Variants in SMAD5 observed in about 807,000 individuals in gnomAD.
The protein encoded by SMAD5 is MAD, mothers against decapentaplegic homolog 5.
SMAD5 carries 9 observed loss-of-function variants against 43.1 expected under a neutral mutation model. The observed-to-expected ratio is 0.21, with a 90% CI of 0.13 to 0.36. The LOEUF (loss-of-function observed/expected upper bound fraction) is 0.36, where lower values mean the gene tolerates loss of function less well. Ranked by LOEUF, SMAD5 falls within the 10% of genes least tolerant of loss-of-function variation. The probability of loss-of-function intolerance (pLI) is 1.00; values close to 1 mark genes in which losing one functional copy is unlikely to be tolerated. For missense variants in SMAD5, 348 were observed against 574.0 expected (o/e 0.61, Z 4.02); for synonymous variants, 190 against 192.4 (o/e 0.99, Z 0.10).
Position 136,161,026 on chromosome 5 carries a change from C to A in SMAD5, c.574C>A (p.Pro192Thr). 1 of 1,613,888 alleles carries A rather than the reference C, an allele frequency of 6.2e-7. No individual in the cohort carries two copies. Among genetic ancestry groups the A allele is most frequent in the East Asian group, 2.2e-5 (1 of 44,886 alleles). ...NTPFPLSPNSPYPPSPASSTY... is the reference protein window; with the variant it reads ...NTPFPLSPNSTYPPSPASSTY... ...TCCTTTTCCCTTATCTCCAAACAGC[C>A]CTTATCCCCCTTCTCCTGCTAGCAG... is the stretch of plus-strand genomic sequence containing the variant. Residue 192 changes from proline to threonine, a missense_variant, in exon 4 of 8, where the codon CCT (proline) becomes ACT (threonine). By Grantham distance (38) the Pro-to-Thr change is conservative. Around this residue, in one of 5 missense-constraint regions of SMAD5, gnomAD observed 185 missense variants for 207.0 expected, o/e 0.89. Coordinates refer to ENST00000545279, the MANE Select transcript of SMAD5 (RefSeq NM_005903.7).
chr5:136,176,099 A>C (rs1729437231), intron 7 of SMAD5, among the ~76,000 whole-genome samples: 1 of 152,118 alleles, frequency 6.6e-6, no homozygotes, highest in African/African-American at 2.4e-5. Context: ...TGTATTGATC[A>C]ATATCTACAA....
At chr5:136,159,200 G>A (rs989484013) in intron 3 of SMAD5, among the ~76,000 whole-genome samples, 1 of 152,108 alleles carries the variant, frequency 6.6e-6, no homozygotes, top group East Asian at 1.9e-4. Flanking sequence ...CTCTATTTTG[G>A]GGATGGGAGT....
At chr5:136,148,645 A>G (rs1162218652) in intron 2 of SMAD5, among the ~76,000 whole-genome samples, 1 of 151,820 alleles carries the variant, frequency 6.6e-6, no homozygotes, top group Non-Finnish European at 1.5e-5. Flanking sequence ...AGAGTCTCTA[A>G]CCCAGGAGTC....
chr5:136,136,787 C>T (rs1303967528), intron 1 of SMAD5, among the ~76,000 whole-genome samples: 1 of 152,070 alleles, frequency 6.6e-6, no homozygotes, highest in Non-Finnish European at 1.5e-5. Flanking sequence ...ATTCTGCCTC[C>T]CGGCTTCAAG....
chr5:136,170,613 A>T (rs1328110489), intron 5 of SMAD5, among the ~76,000 whole-genome samples: 2 of 152,150 alleles, frequency 1.3e-5, no homozygotes, highest in African/African-American at 2.4e-5. Flanking sequence ...TCTATATCCA[A>T]AAAATAGCTT....
rs534918320 is a variant in SMAD5 at position 136,167,388 on chromosome 5, T to C, written c.775+3997T>C. ...CTCATCTGCATTCTTTGCCATTGAA[T>C]ACTCAGAATTGATTTATTTTCCTCT... On this transcript the variant is annotated intron_variant, in intron 5 of 7. Coordinates refer to ENST00000545279, the MANE Select transcript of SMAD5 (RefSeq NM_005903.7). Among the ~76,000 whole-genome samples, 5 of 152,246 alleles carry C rather than the reference T, an allele frequency of 3.3e-5. No homozygotes were observed. The South Asian group carries it at 1.0e-3, about 32-fold the overall frequency.
intron 1 of SMAD5, among the ~76,000 whole-genome samples, chr5:136,137,551 G>A (rs1561638206): frequency 1.3e-5 from 2 of 152,034 alleles, no homozygotes; most frequent in Admixed American, 6.5e-5. Context: ...GTTTTGTTTT[G>A]TTCAGGTTTG....
intron 3 of SMAD5, among the ~76,000 whole-genome samples, chr5:136,160,523 C>T (rs1456748586): frequency 6.6e-6 from 1 of 151,992 alleles, no homozygotes; most frequent in East Asian, 1.9e-4. Context: ...TCTCTGCTAG[C>T]TGGGAGCGCT....
At chr5:136,137,665 G>A (rs1752936074) in intron 1 of SMAD5, among the ~76,000 whole-genome samples, 1 of 152,128 alleles carries the variant, frequency 6.6e-6, no homozygotes, top group Non-Finnish European at 1.5e-5. Flanking sequence ...GGGGGGTTCT[G>A]CAAAAATATT....
chr5:136,174,830 A>G (rs553590948), intron 7 of SMAD5, among the ~76,000 whole-genome samples, 198 bp downstream of exon 7: 2 of 152,358 alleles, frequency 1.3e-5, no homozygotes, highest in South Asian at 4.1e-4. Context: ...TCTAGACATT[A>G]TAAAATGCAT....
intron 1 of SMAD5, chr5:136,133,720 C>T (rs1752765780): frequency 6.5e-6 from 1 of 153,440 alleles, no homozygotes; most frequent in Admixed American, 6.5e-5. Flanking sequence ...TTCCCCTCCC[C>T]TTTTCCCCTC....
At chr5:136,158,395 C>A (rs1326988363) in intron 3 of SMAD5, among the ~76,000 whole-genome samples, 1 of 152,078 alleles carries the variant, frequency 6.6e-6, no homozygotes, top group Non-Finnish European at 1.5e-5. Flanking sequence ...TGTCAAAATT[C>A]AGAAGGAAAT....
At chr5:136,161,211 TAG>T in intron 4 of SMAD5, 104 bp downstream of exon 4, 1 of 786,178 alleles carries the variant, frequency 1.3e-6, no homozygotes, top group Admixed American at 3.1e-5. Context: ...CAAGGTATAA[TAG>T]CTGTTTCTGA....
At chr5:136,146,527 T>G (rs182502080) in intron 1 of SMAD5, among the ~76,000 whole-genome samples, 203 of 151,890 alleles carry the variant, frequency 1.3e-3, no homozygotes, top group African/African-American at 4.7e-3. Context: ...GTATTGCAGG[T>G]TCACTTGTGG....
At chr5:136,170,457 A>C (rs1273577357) in intron 5 of SMAD5, among the ~76,000 whole-genome samples, 1 of 151,638 alleles carries the variant, frequency 6.6e-6, no homozygotes, top group African/African-American at 2.4e-5. Flanking sequence ...CTGTTCTTTT[A>C]TTTTATCATG....
chr5:136,169,895 T>C (rs1754153322), intron 5 of SMAD5, among the ~76,000 whole-genome samples: 1 of 152,222 alleles, frequency 6.6e-6, no homozygotes, highest in Non-Finnish European at 1.5e-5. Context: ...TTTCACATGC[T>C]TACTTGACCA....
At chr5:136,149,932 T>G (rs1753397447) in intron 2 of SMAD5, among the ~76,000 whole-genome samples, 1 of 151,874 alleles carries the variant, frequency 6.6e-6, no homozygotes, top group Non-Finnish European at 1.5e-5. Flanking sequence ...ACCAATCTCT[T>G]GAAGTTTAGT....
intron 2 of SMAD5, among the ~76,000 whole-genome samples, chr5:136,148,335 T>G (rs1017795955): frequency 6.6e-6 from 1 of 151,702 alleles, no homozygotes; most frequent in Admixed American, 6.6e-5. Flanking sequence ...ATAGTCAAGT[T>G]ACTCTTACCC....
intron 3 of SMAD5, among the ~76,000 whole-genome samples, chr5:136,158,205 C>A (rs1285931042): frequency 6.6e-6 from 1 of 151,660 alleles, no homozygotes; most frequent in Non-Finnish European, 1.5e-5. Flanking sequence ...GGCTCAGTGA[C>A]CAAGTAATCA....
Sources: gnomAD v4.1 joint callset for allele counts (sites outside exome capture counted in the v4.1 genomes callset) on GRCh38, gnomAD v4.1.1 for gene constraint, gnomAD v4.1.1 regional missense constraint, MANE v1.5 for transcripts, NCBI Gene and HGNC (gene_info 2026-07-23, HGNC 2026-07-21) for gene names.